The following ZNF536 variants were observed in gnomAD, a reference collection of about 807,000 sequenced individuals.
ZNF536 encodes zinc finger protein 536.
Under a neutral mutation model 84.5 loss-of-function variants are expected in ZNF536, and 13 were observed. That is an observed-to-expected ratio of 0.15 (90% confidence interval 0.10 to 0.24). The LOEUF is 0.24. Ranked by LOEUF, ZNF536 falls within the 10% of genes least tolerant of loss-of-function variation. The pLI is 1.00. For missense variants in ZNF536, 1,536 were observed against 1,747.5 expected, an observed-to-expected ratio of 0.88 and a Z score of 2.16; for synonymous variants, 811 against 742.5, an observed-to-expected ratio of 1.09 and a Z score of -1.50.
chr19:30,267,681 T>C (rs1212388605), intron 1 of ZNF536, among the ~76,000 whole-genome samples: 2 of 152,192 alleles, frequency 1.3e-5, no homozygotes, highest in African/African-American at 2.4e-5. Context: ...ACTCCCTGTC[T>C]GCCTTCAGAC....
intron 1 of ZNF536, among the ~76,000 whole-genome samples, chr19:30,568,097 T>G (rs1285020427): frequency 6.6e-6 from 1 of 152,226 alleles, no homozygotes; most frequent in Non-Finnish European, 1.5e-5. Context: ...AGGTATTATA[T>G]AAGGGTTTTC....
chr19:30,366,896 A>C (rs1446991394), intron 3 of ZNF536, among the ~76,000 whole-genome samples: 1 of 152,216 alleles, frequency 6.6e-6, no homozygotes, highest in Non-Finnish European at 1.5e-5. Flanking sequence ...TGAGGGACTG[A>C]GGGCTGGCTG....
At chr19:30,608,252 G>A (rs969554796) in intron 1 of ZNF536, among the ~76,000 whole-genome samples, 1 of 152,054 alleles carries the variant, frequency 6.6e-6, no homozygotes, top group African/African-American at 2.4e-5. Flanking sequence ...GATCACTGTG[G>A]GCAGAAGAAA....
intron 1 of ZNF536, among the ~76,000 whole-genome samples, chr19:30,234,943 C>A (rs2023374218): frequency 6.6e-6 from 1 of 152,156 alleles, no homozygotes; most frequent in South Asian, 2.1e-4. Flanking sequence ...GAGTTTGGTT[C>A]ATGCAAGTAC....
At chr19:30,553,572 C>T (rs144788050) in intron 4 of ZNF536, among the ~76,000 whole-genome samples, 281 of 152,266 alleles carry the variant, frequency 1.8e-3, no homozygotes, top group African/African-American at 6.5e-3. Context: ...GACAGATGAA[C>T]GGGAAAGCAG....
chr19:30,711,605 T>C (rs1677387423), exon 2 of ZNF536: 1 of 152,222 alleles, frequency 6.6e-6, no homozygotes, highest in African/African-American at 2.4e-5. Context: ...TGACCGGCAC[T>C]GCAGAGGATT....
At chr19:30,696,675 G>A (rs1370259349) in intron 1 of ZNF536, among the ~76,000 whole-genome samples, 1 of 152,138 alleles carries the variant, frequency 6.6e-6, no homozygotes, top group Non-Finnish European at 1.5e-5. Context: ...GCAATGGCGG[G>A]GGATGAAGTT....
In ZNF536 at chr19:30,548,038, A is replaced by G. The variant is rs2045621402; in HGVS notation, c.2419A>G (p.Asn807Asp). 1 of 1,614,008 alleles carries G rather than the reference A, an allele frequency of 6.2e-7. No homozygotes were observed. Among genetic ancestry groups the G allele is most frequent in the Non-Finnish European group, 8.5e-7 (1 of 1,179,990 alleles). Reference sequence around the variant, plus strand: ...AGAGCGACACCATCGGGAGCGGCAGAACGGGGCTGGGCCGCTGTCTGGGCA... The same window carrying G: ...AGAGCGACACCATCGGGAGCGGCAGGACGGGGCTGGGCCGCTGTCTGGGCA... ...HLERHHRERQNGAGPLSGQPP... is the reference protein window; with the variant it reads ...HLERHHRERQDGAGPLSGQPP... Residue 807 changes from asparagine to aspartate, a missense_variant, in exon 4 of 5, where the codon AAC (asparagine) becomes GAC (aspartate). Physicochemically the swap from Asn to Asp is conservative, Grantham distance 23 (BLOSUM62 1). Around this residue, in one of 8 missense-constraint regions of ZNF536, gnomAD observed 148 missense variants for 205.4 expected, o/e 0.72. Coordinates refer to ENST00000355537, the MANE Select transcript of ZNF536 (RefSeq NM_014717.3).
chr19:30,375,229 G>A (rs1408901265), intron 1 of ZNF536, among the ~76,000 whole-genome samples: 3 of 148,674 alleles, frequency 2.0e-5, no homozygotes, highest in Non-Finnish European at 4.5e-5. Flanking sequence ...CCCCGAGGCC[G>A]AGCGCTGCCC....
At chr19:30,490,948 G>A (rs369095881) in intron 2 of ZNF536, among the ~76,000 whole-genome samples, 1 of 152,174 alleles carries the variant, frequency 6.6e-6, no homozygotes, top group Non-Finnish European at 1.5e-5. Context: ...CGTTGAGGGT[G>A]TTAGCAATGA....
intron 2 of ZNF536, among the ~76,000 whole-genome samples, chr19:30,300,836 T>C (rs1016020453): frequency 2.0e-5 from 3 of 150,174 alleles, no homozygotes; most frequent in Non-Finnish European, 2.9e-5. Context: ...GCGCTTATAG[T>C]ACTCTTCGAC....
chr19:30,657,048 A>G (rs756277504), intron 1 of ZNF536, among the ~76,000 whole-genome samples: 1 of 152,214 alleles, frequency 6.6e-6, no homozygotes, highest in Non-Finnish European at 1.5e-5. Flanking sequence ...CCGAAACCAC[A>G]GAGATGCTGG....
chr19:30,512,541 A>G lies in ZNF536; in HGVS notation c.2171-22306A>G, dbSNP rs145728626. ...AAGCATAATGCATTATATTTAAAAA[A>G]AATCAAATATTTTCTTTGGGTCACA... On this transcript the variant is annotated intron_variant, in intron 2 of 4. Coordinates refer to ENST00000355537, the MANE Select transcript of ZNF536 (RefSeq NM_014717.3). Among the ~76,000 whole-genome samples the G allele has an allele frequency of 1.0e-3, 159 of 152,298 alleles. 1 individual carries two copies. Among genetic ancestry groups the G allele is most frequent in the Non-Finnish European group, 2.1e-3 (144 of 68,022 alleles).
intron 3 of ZNF536, among the ~76,000 whole-genome samples, chr19:30,359,991 C>T (rs1451917140): frequency 6.6e-6 from 1 of 152,230 alleles, no homozygotes; most frequent in Non-Finnish European, 1.5e-5. Flanking sequence ...TTGCTCACCT[C>T]TTCCTGGTCC....
intron 1 of ZNF536, among the ~76,000 whole-genome samples, chr19:30,685,684 A>G (rs1490603859): frequency 6.6e-6 from 1 of 152,118 alleles, no homozygotes; most frequent in Admixed American, 6.5e-5. Context: ...ATAATCTGTC[A>G]CTATAGTACT....
intron 1 of ZNF536, among the ~76,000 whole-genome samples, chr19:30,593,521 A>G (rs1414659204): frequency 2.6e-5 from 4 of 152,120 alleles, no homozygotes; most frequent in Admixed American, 2.6e-4. Flanking sequence ...GAAATGGAGC[A>G]TTTCCTAAAA....
intron 1 of ZNF536, among the ~76,000 whole-genome samples, chr19:30,697,116 G>A (rs2051693785): frequency 6.6e-6 from 1 of 152,174 alleles, no homozygotes; most frequent in Admixed American, 6.5e-5. Flanking sequence ...AGCCAGGCAT[G>A]GGGGCAGGTG....
chr19:30,637,651 A>G (rs2049116549), intron 1 of ZNF536, among the ~76,000 whole-genome samples: 2 of 152,074 alleles, frequency 1.3e-5, no homozygotes, highest in Non-Finnish European at 2.9e-5. Context: ...ACATCCTTCT[A>G]CCCTTGATGA....
At position 30,623,762 on chromosome 19, in the gene ZNF536, C is replaced by G. The variant is rs564234363; in HGVS notation, c.169+74248C>G. 1.2e-4 allele frequency among the ~76,000 whole-genome samples: 19 copies of G among 152,266 alleles called. No homozygotes were observed. The South Asian group carries it at 3.9e-3, about 32-fold the overall frequency. On this transcript the variant is annotated intron_variant, in intron 1 of 1. Transcript: ENST00000592773. ...TCTTTCTGCTTAGTTTGTCTCCAGG[C>G]CTTTTATTACTGTTTGCATGTTACA...
Sources: gnomAD v4.1 joint callset for allele counts (sites outside exome capture counted in the v4.1 genomes callset) on GRCh38, gnomAD v4.1.1 for gene constraint, gnomAD v4.1.1 regional missense constraint, MANE v1.5 for transcripts, NCBI Gene and HGNC (gene_info 2026-07-23, HGNC 2026-07-21) for gene names.